SNRPN: variants seen among roughly 807,000 people sequenced by gnomAD.
SNRPN encodes small nuclear ribonucleoprotein polypeptide N.
In SNRPN, 7 loss-of-function variants were observed where a neutral mutation model predicts 25.2. That is an observed-to-expected ratio of 0.28 (90% CI 0.16 to 0.52). The LOEUF is 0.52. SNRPN is among the 20% of genes least tolerant of loss of function. SNRPN has a pLI of 0.96. For synonymous variants in SNRPN, 124 were observed against 110.6 expected (o/e 1.12, Z -0.76); for missense variants, 196 against 322.5 (o/e 0.61, Z 3.00).
chr15:24,853,111 A>G (rs541102953), upstream of SNRPN, among the ~76,000 whole-genome samples: 31 of 152,344 alleles, frequency 2.0e-4, no homozygotes, highest in African/African-American at 6.7e-4. Flanking sequence ...TAATATAAAG[A>G]GTTTACATAT....
intron 1 of SNRPN, among the ~76,000 whole-genome samples, chr15:24,879,444 A>C (rs1595650703): frequency 6.6e-6 from 1 of 151,984 alleles, no homozygotes; most frequent in Admixed American, 6.6e-5. Context: ...CTCTACAAAA[A>C]AAAAAGAAAG....
At chr15:24,944,695 G>A (rs1442983700) in intron 3 of SNRPN, among the ~76,000 whole-genome samples, 3 of 152,130 alleles carry the variant, frequency 2.0e-5, no homozygotes, top group South Asian at 2.1e-4. Flanking sequence ...TCTTGCTACC[G>A]AAATCTGTGT....
At chr15:24,866,691 C>T (rs1407063684) in intron 1 of SNRPN, among the ~76,000 whole-genome samples, 1 of 152,182 alleles carries the variant, frequency 6.6e-6, no homozygotes, top group East Asian at 1.9e-4. Flanking sequence ...TTCTGCCCAA[C>T]CCCACCCTCA....
At chr15:24,858,282 C>T (rs2146751004) in intron 1 of SNRPN, among the ~76,000 whole-genome samples, 1 of 152,266 alleles carries the variant, frequency 6.6e-6, no homozygotes, top group African/African-American at 2.4e-5. Flanking sequence ...AAACCGAATT[C>T]CTCCTGAAGT....
At chr15:24,908,819 TTTCTCTAGAG>T in intron 2 of SNRPN, 1 of 515,286 alleles carries the variant, frequency 1.9e-6, no homozygotes, top group Non-Finnish European at 3.3e-6. Context: ...TCTGGAAATC[TTTCTCTAGAG>T]TCTTGGAAAG....
chr15:24,977,692 A>G, intron 7 of SNRPN, 86 bp from the exon 8 acceptor site: 2 of 1,294,498 alleles, frequency 1.5e-6, no homozygotes, highest in South Asian at 3.2e-5. Flanking sequence ...TTTGTAACTA[A>G]TTGGTCATTT....
At chr15:24,930,991 A>C (rs960814106) in intron 3 of SNRPN, among the ~76,000 whole-genome samples, 5 of 152,012 alleles carry the variant, frequency 3.3e-5, no homozygotes, top group Admixed American at 3.3e-4. Flanking sequence ...TAGTGGGTGC[A>C]GTGAGCCAAG....
chr15:24,855,977 A>G (rs2053346800), upstream of SNRPN, among the ~76,000 whole-genome samples: 4 of 152,276 alleles, frequency 2.6e-5, no homozygotes, highest in South Asian at 4.1e-4. Flanking sequence ...TGAAATATTT[A>G]TAGAAAAATT....
chr15:24,899,045 G>A (rs1339146237), intron 2 of SNRPN, among the ~76,000 whole-genome samples: 1 of 152,180 alleles, frequency 6.6e-6, no homozygotes, highest in African/African-American at 2.4e-5. Flanking sequence ...AGTGCTAGAA[G>A]CAAGGAGCCA....
At chr15:24,936,859 A>G (rs558364778) in intron 3 of SNRPN, among the ~76,000 whole-genome samples, 1 of 152,284 alleles carries the variant, frequency 6.6e-6, no homozygotes, top group East Asian at 1.9e-4. Flanking sequence ...CTCAAACCAC[A>G]TCAGGGACCA....
intron 3 of SNRPN, among the ~76,000 whole-genome samples, chr15:24,927,822 T>C (rs2152777879): frequency 6.6e-6 from 1 of 152,236 alleles, no homozygotes; most frequent in Admixed American, 6.5e-5. Flanking sequence ...CATGTGTTTG[T>C]GACTTTTGAA....
At chr15:24,945,145 T>C (rs1279299538) in intron 3 of SNRPN, among the ~76,000 whole-genome samples, 4 of 152,182 alleles carry the variant, frequency 2.6e-5, no homozygotes, top group African/African-American at 9.7e-5. Flanking sequence ...GTGGGTCATA[T>C]GGTTTATGTT....
At chr15:24,915,546 C>T (rs909517572) in intron 2 of SNRPN, among the ~76,000 whole-genome samples, 1 of 152,108 alleles carries the variant, frequency 6.6e-6, no homozygotes, top group African/African-American at 2.4e-5. Context: ...TTTGTCATCC[C>T]TCCTGTATGC....
At chr15:24,911,842 A>G (rs2059238570) in intron 2 of SNRPN, among the ~76,000 whole-genome samples, 1 of 152,234 alleles carries the variant, frequency 6.6e-6, no homozygotes, top group Non-Finnish European at 1.5e-5. Flanking sequence ...CAGTGGAGCC[A>G]TAGGGACAGG....
intron 3 of SNRPN, among the ~76,000 whole-genome samples, chr15:24,941,519 G>C (rs2061554804): frequency 6.6e-6 from 1 of 152,214 alleles, no homozygotes; most frequent in Non-Finnish European, 1.5e-5. Flanking sequence ...GTCTAGGCCA[G>C]TCATAGTCCT....
At position 24,878,658 on chromosome 15, in the gene SNRPN, T is replaced by C. The variant is rs1377138289; in HGVS notation, c.-578-7858T>C. ...TGCTTGTTGTTTTCCCATGAAAAAT[T>C]GTATTGTATTTCTGTAACAGCCCCT... On this transcript the variant is annotated intron_variant, in intron 1 of 11. Coordinates refer to the SNRPN transcript ENST00000400097. 4.6e-5 allele frequency among the ~76,000 whole-genome samples: 7 copies of C among 152,316 alleles called. No individual in the cohort carries two copies. In the East Asian group the frequency reaches 1.3e-3, roughly 29 times the overall value.
chr15:24,904,714 C>T (rs985356967), intron 2 of SNRPN, among the ~76,000 whole-genome samples: 4 of 150,804 alleles, frequency 2.7e-5, no homozygotes, highest in African/African-American at 9.8e-5. Context: ...CAGTGGCTCA[C>T]TTCTGTAATC....
chr15:24,884,915 T>C (rs891549491), intron 1 of SNRPN, among the ~76,000 whole-genome samples: 2 of 152,092 alleles, frequency 1.3e-5, no homozygotes, highest in Non-Finnish European at 2.9e-5. Flanking sequence ...AGAGAGTTTA[T>C]TGAAAGCTAC....
chr15:24,907,179 G>A (rs367801112), intron 2 of SNRPN, among the ~76,000 whole-genome samples: 76 of 152,282 alleles, frequency 5.0e-4, no homozygotes, highest in African/African-American at 1.7e-3. Flanking sequence ...CTTAAATAGA[G>A]CTGGGAGTAA....
Sources: gnomAD v4.1 joint callset for allele counts (sites outside exome capture counted in the v4.1 genomes callset) on GRCh38, gnomAD v4.1.1 for gene constraint, MANE v1.5 for transcripts, NCBI Gene and HGNC (gene_info 2026-07-23, HGNC 2026-07-21) for gene names.